Variants in CNST observed in about 807,000 individuals in gnomAD.
CNST encodes the protein consortin.
Under a neutral mutation model 72.4 loss-of-function variants are expected in CNST, and 39 were observed. The ratio of observed to expected loss-of-function variants is 0.54; its 90% CI spans 0.42 to 0.70. The LOEUF (loss-of-function observed/expected upper bound fraction) is 0.70, where lower values mean the gene tolerates loss of function less well. Ranked by LOEUF, CNST falls within the 30% of genes least tolerant of loss-of-function variation. The pLI, the probability that CNST is intolerant of heterozygous loss-of-function variation, is 0.00. For missense variants in CNST, 871 were observed against 868.5 expected, an observed-to-expected ratio of 1.00 and a Z score of -0.04; for synonymous variants, 332 against 320.1, an observed-to-expected ratio of 1.04 and a Z score of -0.40.
chr1:246,634,041 TAGC>T, intron 5 of CNST, 31 bp downstream of exon 5: 1 of 1,359,008 alleles, frequency 7.4e-7, no homozygotes, highest in Non-Finnish European at 1.1e-6. Flanking sequence ...AATGTGGAAT[TAGC>T]AGTAATCCAA....
chr1:246,641,068 C>G (rs1665656144), intron 6 of CNST, among the ~76,000 whole-genome samples: 1 of 152,146 alleles, frequency 6.6e-6, no homozygotes, highest in Non-Finnish European at 1.5e-5. Context: ...TGGGATCATG[C>G]AGAATATAGA....
intron 2 of CNST, among the ~76,000 whole-genome samples, chr1:246,600,762 G>A (rs1662233653): frequency 2.0e-5 from 3 of 152,180 alleles, no homozygotes; most frequent in Non-Finnish European, 2.9e-5. Flanking sequence ...TGTCGTAGAC[G>A]TCTGAGTAGA....
Position 246,660,212 on chromosome 1 carries a change from A to C in CNST, c.1850A>C (p.Glu617Ala). ...RIEIAEVVPT[E>A]GLVSILKKRN... Reference sequence around the variant, plus strand: ...AATTTCTGACAGGTTGTTCCTACTGAAGGATTGGTCTCCATATTAAAGAAG... The same window carrying C: ...AATTTCTGACAGGTTGTTCCTACTGCAGGATTGGTCTCCATATTAAAGAAG... The change falls in exon 10 of 11, where the codon GAA becomes GCA. Residue 617 changes from glutamate (E) to alanine (A), a missense_variant. Coordinates refer to ENST00000366513, the MANE Select transcript of CNST (RefSeq NM_152609.3). The C allele has an allele frequency of 6.2e-7, 1 of 1,609,896 alleles. No individual in the cohort carries two copies. The highest frequency in any genetic ancestry group is 8.5e-7 in the Non-Finnish European group (1 of 1,178,556).
intron 2 of CNST, among the ~76,000 whole-genome samples, chr1:246,617,735 T>C (rs1387663289): frequency 6.6e-6 from 1 of 152,214 alleles, no homozygotes; most frequent in African/African-American, 2.4e-5. Flanking sequence ...CTTTACCCCA[T>C]TAATGCTGTG....
intron 2 of CNST, 95 bp downstream of exon 2, chr1:246,592,036 C>T (rs1661578011): frequency 3.0e-6 from 3 of 990,072 alleles, no homozygotes; most frequent in Non-Finnish European, 4.4e-6. Context: ...CACCTTGCTT[C>T]TTTGCTTACG....
At chr1:246,651,976 G>A (rs1005316927) in intron 9 of CNST, among the ~76,000 whole-genome samples, 5 of 152,152 alleles carry the variant, frequency 3.3e-5, no homozygotes, top group East Asian at 1.9e-4. Context: ...GAAAATACAC[G>A]TAAGGATTTT....
At chr1:246,614,173 G>C (rs1663530264) in intron 2 of CNST, among the ~76,000 whole-genome samples, 1 of 152,016 alleles carries the variant, frequency 6.6e-6, no homozygotes, top group African/African-American at 2.4e-5. Flanking sequence ...GAGATATCTT[G>C]AGGATGGGAC....
chr1:246,639,016 C>T (rs1008929789), intron 6 of CNST, among the ~76,000 whole-genome samples: 3 of 152,006 alleles, frequency 2.0e-5, no homozygotes, highest in African/African-American at 4.8e-5. Flanking sequence ...TAGGTTGGCA[C>T]GAAGGGATAG....
At chr1:246,623,828 G>A (rs957878059) in intron 3 of CNST, among the ~76,000 whole-genome samples, 15 of 150,206 alleles carry the variant, frequency 1.0e-4, no homozygotes, top group Admixed American at 6.0e-4. Flanking sequence ...CTGGGAGGTC[G>A]AGGCAGGCAG....
At chr1:246,584,183 C>A (rs1660987876) in intron 1 of CNST, among the ~76,000 whole-genome samples, 1 of 152,170 alleles carries the variant, frequency 6.6e-6, no homozygotes, top group African/African-American at 2.4e-5. Context: ...CTCAAGCGAT[C>A]CTCGCAGAGT....
intron 5 of CNST, 61 bp from the exon 6 acceptor site, chr1:246,634,407 TGTTTG>T (rs1664996996): frequency 1.1e-6 from 1 of 893,580 alleles, no homozygotes; most frequent in Non-Finnish European, 1.7e-6. Context: ...GTTAACTGTT[TGTTTG>T]TTTTTTTGCT....
At chr1:246,604,211 G>T (rs768493775) in intron 2 of CNST, among the ~76,000 whole-genome samples, 1 of 151,896 alleles carries the variant, frequency 6.6e-6, no homozygotes, top group African/African-American at 2.4e-5. Context: ...CCGATATCGC[G>T]CCATTGCACT....
chr1:246,636,252 G>A (rs1171369099), intron 6 of CNST, among the ~76,000 whole-genome samples: 2 of 152,216 alleles, frequency 1.3e-5, no homozygotes, highest in South Asian at 2.1e-4. Context: ...TTTCACCTGC[G>A]GCACGATGGG....
chr1:246,609,152 G>A (rs796274445), intron 2 of CNST, among the ~76,000 whole-genome samples: 1 of 152,302 alleles, frequency 6.6e-6, no homozygotes, highest in African/African-American at 2.4e-5. Context: ...CCCGAGGTCA[G>A]GTCAGAAGGA....
intron 10 of CNST, among the ~76,000 whole-genome samples, chr1:246,663,910 C>T (rs186002709): frequency 7.9e-4 from 120 of 152,174 alleles, no homozygotes; most frequent in Non-Finnish European, 1.3e-3. Context: ...GGGAGAAAAA[C>T]GGATAGTCCC....
intron 6 of CNST, among the ~76,000 whole-genome samples, chr1:246,640,562 T>G (rs1665620909): frequency 6.6e-6 from 1 of 152,214 alleles, no homozygotes. Context: ...CTAGTGCAAA[T>G]TTCTGGAATT....
At chr1:246,603,817 C>G (rs1662481709) in intron 2 of CNST, among the ~76,000 whole-genome samples, 2 of 152,068 alleles carry the variant, frequency 1.3e-5, no homozygotes, top group African/African-American at 4.8e-5. Context: ...TGGGATTTCT[C>G]TTTGGGGTAA....
chr1:246,657,376 G>C (rs762736044), intron 9 of CNST, among the ~76,000 whole-genome samples: 1 of 152,050 alleles, frequency 6.6e-6, no homozygotes, highest in Non-Finnish European at 1.5e-5. Context: ...CACTGAGCAA[G>C]AACTGAAAGG....
chr1:246,650,096 G>C (rs1169566025), intron 9 of CNST, among the ~76,000 whole-genome samples: 1 of 151,906 alleles, frequency 6.6e-6, no homozygotes, highest in Non-Finnish European at 1.5e-5. Flanking sequence ...CTATTTCTAA[G>C]AAATTAAAGA....
Sources: gnomAD v4.1 joint callset for allele counts (sites outside exome capture counted in the v4.1 genomes callset) on GRCh38, gnomAD v4.1.1 for gene constraint, MANE v1.5 for transcripts, NCBI Gene and HGNC (gene_info 2026-07-23, HGNC 2026-07-21) for gene names.